Variants in ACYP2 observed in about 807,000 individuals in gnomAD.
ACYP2 encodes acylphosphatase 2.
A neutral mutation model predicts 11.2 loss-of-function variants in ACYP2; 12 were observed. That is an observed-to-expected ratio of 1.08 (90% CI 0.69 to 1.74). The LOEUF is 1.74. ACYP2 is among the 40% of genes most tolerant of loss of function. The pLI is 0.00. For synonymous variants in ACYP2, 43 were observed against 32.2 expected (o/e 1.33, Z -1.13); for missense variants, 134 against 101.9 (o/e 1.31, Z -1.35).
chr2:54,293,760 T>C (rs1689409366), intron 6 of ACYP2, among the ~76,000 whole-genome samples: 1 of 152,188 alleles, frequency 6.6e-6, no homozygotes, highest in Non-Finnish European at 1.5e-5. Flanking sequence ...TCTTAGGTCT[T>C]AGGTTAATTA....
At chr2:54,187,410 G>A (rs867832326) in intron 6 of ACYP2, among the ~76,000 whole-genome samples, 5 of 152,150 alleles carry the variant, frequency 3.3e-5, no homozygotes, top group Admixed American at 2.6e-4. Context: ...TAGTGTTGCC[G>A]GAGGGAGATG....
intron 6 of ACYP2, among the ~76,000 whole-genome samples, chr2:54,146,739 C>G (rs963159248): frequency 1.3e-5 from 2 of 151,510 alleles, no homozygotes; most frequent in African/African-American, 4.8e-5. Context: ...CCCCAAATCT[C>G]TCTGAGGATA....
chr2:54,069,302 T>C (rs1676895609), intron 4 of ACYP2, among the ~76,000 whole-genome samples: 1 of 151,950 alleles, frequency 6.6e-6, no homozygotes, highest in African/African-American at 2.4e-5. Flanking sequence ...ATGGGGATAA[T>C]TTGCCTGAAA....
chr2:54,026,870 C>G (rs969029513), intron 2 of ACYP2, among the ~76,000 whole-genome samples: 1 of 138,978 alleles, frequency 7.2e-6, no homozygotes, highest in African/African-American at 2.6e-5. Flanking sequence ...GATGCAAAGG[C>G]ATAAGAATGA....
intron 6 of ACYP2, among the ~76,000 whole-genome samples, chr2:54,283,001 GAATGA>G (rs1211578360): frequency 5.9e-5 from 9 of 152,300 alleles, no homozygotes; most frequent in African/African-American, 2.2e-4. Context: ...ATAATGTGAA[GAATGA>G]AAATATTTCT....
chr2:54,288,715 C>T lies in ACYP2; in HGVS notation c.405-15973C>T, dbSNP rs929333551. 6.6e-5 allele frequency among the ~76,000 whole-genome samples: 10 copies of T among 151,960 alleles called. 1 individual carries two copies. Among genetic ancestry groups the T allele is most frequent in the African/African-American group, 1.9e-4 (8 of 41,244 alleles). ...CAGAGAAGAGCTTTGGCAACTCCAC[C>T]GATGTAACGGTGCCTTGTAGGATCC... On this transcript the variant is annotated intron_variant, in intron 6 of 6. Coordinates refer to ENST00000607452, the MANE Select transcript of ACYP2 (RefSeq NM_001320586.2).
chr2:53,999,610 G>A (rs1246799810), intron 2 of ACYP2, among the ~76,000 whole-genome samples: 1 of 152,116 alleles, frequency 6.6e-6, no homozygotes, highest in African/African-American at 2.4e-5. Flanking sequence ...GCTAGGACAA[G>A]ACATAAAACA....
At chr2:54,251,629 T>G (rs1687230705) in intron 6 of ACYP2, among the ~76,000 whole-genome samples, 2 of 152,210 alleles carry the variant, frequency 1.3e-5, no homozygotes, top group Non-Finnish European at 2.9e-5. Context: ...TGTCTCATGT[T>G]TCTGCATATC....
intron 6 of ACYP2, among the ~76,000 whole-genome samples, chr2:54,252,493 C>T (rs1424124806): frequency 1.3e-5 from 2 of 152,098 alleles, no homozygotes; most frequent in Non-Finnish European, 2.9e-5. Flanking sequence ...AGCTGCTCTC[C>T]CATAAACAGT....
chr2:54,047,162 G>A (rs188391882), intron 2 of ACYP2, among the ~76,000 whole-genome samples: 3 of 152,296 alleles, frequency 2.0e-5, no homozygotes, highest in Admixed American at 6.5e-5. Flanking sequence ...TTCTGCTCTG[G>A]ATGTATATAA....
intron 6 of ACYP2, among the ~76,000 whole-genome samples, chr2:54,302,118 T>C (rs868427017): frequency 6.6e-6 from 1 of 152,224 alleles, no homozygotes; most frequent in South Asian, 2.1e-4. Context: ...GGTCAATACA[T>C]TGAGTTATCA....
At chr2:54,281,657 T>A (rs1252501157) in intron 6 of ACYP2, among the ~76,000 whole-genome samples, 1 of 152,204 alleles carries the variant, frequency 6.6e-6, no homozygotes, top group African/African-American at 2.4e-5. Flanking sequence ...GAAGTAAAAT[T>A]AAAAAGCCAA....
intron 6 of ACYP2, among the ~76,000 whole-genome samples, chr2:54,230,822 TTC>T (rs1558629704): frequency 7.2e-6 from 1 of 139,612 alleles, no homozygotes; most frequent in Non-Finnish European, 1.5e-5. Context: ...ATGTATTTCT[TTC>T]TTTTCTTTTT....
chr2:54,056,627 G>T (rs115354106), intron 3 of ACYP2, among the ~76,000 whole-genome samples: 23 of 152,020 alleles, frequency 1.5e-4, no homozygotes, highest in African/African-American at 5.6e-4. Flanking sequence ...GACACATTCT[G>T]GATTTTCTAA....
intron 6 of ACYP2, among the ~76,000 whole-genome samples, chr2:54,289,772 C>T (rs530905816): frequency 1.3e-5 from 2 of 151,948 alleles, no homozygotes; most frequent in Non-Finnish European, 2.9e-5. Context: ...AAAAAAAAAT[C>T]CTGGGAGGTT....
intron 6 of ACYP2, among the ~76,000 whole-genome samples, chr2:54,201,327 A>G (rs1030996689): frequency 6.6e-6 from 1 of 151,990 alleles, no homozygotes. Flanking sequence ...GGATGGTCTC[A>G]ATCTCCTGAC....
At chr2:53,974,027 G>A (rs935430257) in intron 2 of ACYP2, among the ~76,000 whole-genome samples, 15 of 149,776 alleles carry the variant, frequency 1.0e-4, no homozygotes, top group East Asian at 3.9e-4. Context: ...CTGCCTCAGC[G>A]CCTCGAGTAG....
chr2:54,154,662 G>A (rs1172953759), intron 6 of ACYP2, among the ~76,000 whole-genome samples: 1 of 152,078 alleles, frequency 6.6e-6, no homozygotes, highest in African/African-American at 2.4e-5. Flanking sequence ...ATGTGCTGTT[G>A]AATTTGGCTT....
intron 2 of ACYP2, among the ~76,000 whole-genome samples, chr2:53,979,122 G>A (rs1221016428): frequency 6.6e-6 from 1 of 151,920 alleles, no homozygotes; most frequent in Non-Finnish European, 1.5e-5. Flanking sequence ...ATTCGAGAAG[G>A]CATTATTATT....
Sources: gnomAD v4.1 joint callset for allele counts (sites outside exome capture counted in the v4.1 genomes callset) on GRCh38, gnomAD v4.1.1 for gene constraint, MANE v1.5 for transcripts, NCBI Gene and HGNC (gene_info 2026-07-23, HGNC 2026-07-21) for gene names.